Variants in IGSF11 observed in about 807,000 individuals in gnomAD.
IGSF11 encodes the protein immunoglobulin superfamily member 11, also known as CXADR like 1.
In IGSF11, 22 loss-of-function variants were observed where a neutral mutation model predicts 41.0. That is an observed-to-expected ratio of 0.54 (90% CI 0.38 to 0.77). The LOEUF is 0.77. IGSF11 is among the 30% of genes least tolerant of loss of function. The pLI, the probability that IGSF11 is intolerant of heterozygous loss-of-function variation, is 0.00. For missense variants in IGSF11, 444 were observed against 530.8 expected (o/e 0.84, Z 1.61); for synonymous variants, 219 against 201.3 (o/e 1.09, Z -0.74).
intron 1 of IGSF11, among the ~76,000 whole-genome samples, chr3:119,021,308 TGAA>T (rs1187746301): frequency 1.1e-4 from 16 of 152,032 alleles, no homozygotes; most frequent in Admixed American, 3.3e-4. Context: ...CTCCAGATGA[TGAA>T]GATTATGTTA....
At chr3:119,018,835 G>C (rs147861809) in intron 1 of IGSF11, among the ~76,000 whole-genome samples, 48 of 152,336 alleles carry the variant, frequency 3.2e-4, no homozygotes, top group African/African-American at 1.1e-3. Flanking sequence ...GCATGCAGAA[G>C]TGCTGGCAGC....
At chr3:119,111,066 G>T (rs538128972) in intron 1 of IGSF11, among the ~76,000 whole-genome samples, 164 of 152,030 alleles carry the variant, frequency 1.1e-3, no homozygotes, top group African/African-American at 3.8e-3. Flanking sequence ...ACAATTATGT[G>T]TCTTGGAGTT....
chr3:119,095,398 G>C (rs532318810), intron 1 of IGSF11, among the ~76,000 whole-genome samples: 3 of 152,258 alleles, frequency 2.0e-5, no homozygotes, highest in East Asian at 3.9e-4. Context: ...ACTTGACATG[G>C]TACAGGTGAC....
chr3:119,040,631 T>C lies in IGSF11; in HGVS notation c.49+64513A>G, dbSNP rs71325357. ...ATAGTCAATTATTTTAATAATCTTG[T>C]TTGTTTATTGTCTGCTTCACCCAAT... is the stretch of plus-strand genomic sequence containing the variant. On this transcript the variant is annotated intron_variant, in intron 1 of 6. Coordinates refer to the IGSF11 transcript ENST00000354673. Among the ~76,000 whole-genome samples the C allele has an allele frequency of 3.2e-3, 487 of 152,368 alleles. 1 individual carries two copies. Among genetic ancestry groups the C allele is most frequent in the Non-Finnish European group, 4.9e-3 (333 of 68,034 alleles).
At chr3:118,984,915 C>A (rs2107642183) in intron 1 of IGSF11, among the ~76,000 whole-genome samples, 1 of 152,260 alleles carries the variant, frequency 6.6e-6, no homozygotes, top group Middle Eastern at 3.4e-3. Flanking sequence ...AACCACAGAG[C>A]CCTTCCAGGA....
chr3:119,086,467 A>C (rs2076674890), intron 1 of IGSF11, among the ~76,000 whole-genome samples: 1 of 151,822 alleles, frequency 6.6e-6, no homozygotes, highest in African/African-American at 2.4e-5. Flanking sequence ...CAAAAGAAAA[A>C]GTCCAAGTTG....
At chr3:119,113,170 A>G (rs961759202) in intron 1 of IGSF11, among the ~76,000 whole-genome samples, 6 of 152,160 alleles carry the variant, frequency 3.9e-5, no homozygotes, top group Non-Finnish European at 7.3e-5. Context: ...GGGGACAGAA[A>G]TACAAAACAT....
chr3:119,057,694 C>T (rs368558601), intron 1 of IGSF11, among the ~76,000 whole-genome samples: 1 of 152,110 alleles, frequency 6.6e-6, no homozygotes, highest in Non-Finnish European at 1.5e-5. Flanking sequence ...AACAAAGCTG[C>T]AGGCATCACG....
At chr3:119,107,053 T>C (rs2077043428), upstream of IGSF11, among the ~76,000 whole-genome samples, 1 of 152,224 alleles carries the variant, frequency 6.6e-6, no homozygotes, top group Non-Finnish European at 1.5e-5. Flanking sequence ...AACATACGTG[T>C]GCATGTGTCT....
At chr3:119,054,845 C>T (rs901773534) in intron 1 of IGSF11, among the ~76,000 whole-genome samples, 2 of 152,188 alleles carry the variant, frequency 1.3e-5, no homozygotes, top group Non-Finnish European at 2.9e-5. Flanking sequence ...TCTCCCAGCA[C>T]ACAGCTTGAG....
intron 1 of IGSF11, among the ~76,000 whole-genome samples, chr3:119,028,239 A>G (rs1940013117): frequency 6.6e-6 from 1 of 152,186 alleles, no homozygotes; most frequent in African/African-American, 2.4e-5. Context: ...GGGATAAACT[A>G]TGAATGGAAA....
chr3:119,017,776 CTTTTT>C (rs567222914), intron 1 of IGSF11, among the ~76,000 whole-genome samples: 1 of 100,258 alleles, frequency 1.0e-5, no homozygotes, highest in Non-Finnish European at 2.0e-5. Flanking sequence ...GTTTGTTTTA[CTTTTT>C]TTTTTTTTTT....
intron 1 of IGSF11, among the ~76,000 whole-genome samples, chr3:119,120,251 A>C (rs557163274): frequency 2.6e-5 from 4 of 152,242 alleles, no homozygotes; most frequent in Non-Finnish European, 5.9e-5. Flanking sequence ...GATCCCTAGA[A>C]AGCCAGGGCT....
At chr3:119,105,457 A>G (rs1029998771), upstream of IGSF11, among the ~76,000 whole-genome samples, 3 of 152,146 alleles carry the variant, frequency 2.0e-5, no homozygotes, top group African/African-American at 7.2e-5. Flanking sequence ...AGTTGTATCA[A>G]GATGGATCAG....
At chr3:119,142,091 C>T (rs755650401) in intron 1 of IGSF11, among the ~76,000 whole-genome samples, 15 of 152,090 alleles carry the variant, frequency 9.9e-5, no homozygotes, top group Non-Finnish European at 1.6e-4. Flanking sequence ...CTGACTAACA[C>T]GGTGAAACCC....
chr3:118,981,095 A>G lies in IGSF11; in HGVS notation c.53-50820T>C, dbSNP rs564463502. ...CAAGGATCACTTGTGTTTATGAGTG[A>G]GCTGAGTTCTAACTACATCTTCCAC... is the stretch of plus-strand genomic sequence containing the variant. On this transcript the variant is annotated intron_variant, in intron 1 of 6. Transcript: ENST00000393775. 9.2e-5 allele frequency among the ~76,000 whole-genome samples: 14 copies of G among 152,342 alleles called. No individual in the cohort carries two copies. In the East Asian group the frequency reaches 2.5e-3, roughly 27 times the overall value.
At chr3:119,040,757 G>A (rs1248389933) in intron 1 of IGSF11, among the ~76,000 whole-genome samples, 1 of 152,122 alleles carries the variant, frequency 6.6e-6, no homozygotes, top group Non-Finnish European at 1.5e-5. Flanking sequence ...ATTTTGAATG[G>A]ATGAATCAAT....
At chr3:119,131,310 AAG>A (rs748836214) in intron 1 of IGSF11, among the ~76,000 whole-genome samples, 2 of 152,206 alleles carry the variant, frequency 1.3e-5, no homozygotes, top group East Asian at 3.8e-4. Context: ...CCTTGAAAAA[AAG>A]GTTAGATGAA....
chr3:119,062,158 A>G (rs7638463), intron 1 of IGSF11, among the ~76,000 whole-genome samples: 30,441 of 152,080 alleles, frequency 0.2, 4,105 homozygotes, highest in African/African-American at 0.37. Context: ...TGCTGTTATT[A>G]TTACCATTAT....
Sources: allele counts gnomAD v4.1 joint callset (sites outside exome capture counted in the v4.1 genomes callset), GRCh38; gene constraint gnomAD v4.1.1; transcripts MANE v1.5; gene names NCBI Gene and HGNC (gene_info 2026-07-23, HGNC 2026-07-21).